The following LRRC17 variants were observed in gnomAD, a reference collection of about 807,000 sequenced individuals.
LRRC17 encodes the protein leucine rich repeat containing 17, also known as leucine-rich repeat-containing protein 17.
In LRRC17, 33 loss-of-function variants were observed where a neutral mutation model predicts 41.5. That is an observed-to-expected ratio of 0.80 (90% CI 0.60 to 1.06). The LOEUF (loss-of-function observed/expected upper bound fraction) is 1.06, where lower values mean the gene tolerates loss of function less well. LRRC17 is among the 50% of genes least tolerant of loss of function. The pLI, the probability that LRRC17 is intolerant of heterozygous loss-of-function variation, is 0.00. For missense variants in LRRC17, 491 were observed against 519.3 expected, an observed-to-expected ratio of 0.95 and a Z score of 0.53; for synonymous variants, 192 against 197.0, an observed-to-expected ratio of 0.97 and a Z score of 0.21.
At chr7:102,941,925 TCTA>T (rs1265194562) in intron 3 of LRRC17, among the ~76,000 whole-genome samples, 3 of 152,154 alleles carry the variant, frequency 2.0e-5, no homozygotes, top group Admixed American at 6.5e-5. Flanking sequence ...TTGCCTTGCT[TCTA>T]CTGATGTTTT....
intron 1 of LRRC17, among the ~76,000 whole-genome samples, chr7:102,930,912 T>C (rs1270030063): frequency 1.3e-5 from 2 of 152,202 alleles, no homozygotes; most frequent in Admixed American, 6.5e-5. Flanking sequence ...GAATATAATA[T>C]GCCAAAGTTC....
Position 102,944,227 on chromosome 7 carries a change from A to G in LRRC17, c.946A>G (p.Thr316Ala), listed in dbSNP as rs770377860. Residue 316 changes from threonine to alanine, a missense_variant, in exon 4 of 4, where the codon ACA becomes GCA. Physicochemically the swap from Thr to Ala is moderately conservative, Grantham distance 58 (BLOSUM62 0). Coordinates refer to ENST00000339431, the MANE Select transcript of LRRC17 (RefSeq NM_001031692.3). ...GTTTCCAGCCGCTTTTTTAGGGCTC[A>G]CACATTTAGAAGAATTAGATTTATC... Reference protein sequence around the residue: ...FIDPAAFLGLTHLEELDLSNN... With the variant: ...FIDPAAFLGLAHLEELDLSNN... 2 of 1,608,042 alleles carry G rather than the reference A, an allele frequency of 1.2e-6. No homozygotes were observed. Among genetic ancestry groups the G allele is most frequent in the Non-Finnish European group, 8.5e-7 (1 of 1,177,780 alleles).
At chr7:102,931,021 T>C (rs1440373610) in intron 1 of LRRC17, among the ~76,000 whole-genome samples, 1 of 152,164 alleles carries the variant, frequency 6.6e-6, no homozygotes, top group Non-Finnish European at 1.5e-5. Context: ...TGGTTAAGGA[T>C]ACTTATCATA....
chr7:102,930,805 T>A (rs752040266), intron 1 of LRRC17, among the ~76,000 whole-genome samples: 1 of 152,226 alleles, frequency 6.6e-6, no homozygotes, highest in Non-Finnish European at 1.5e-5. Context: ...TTATGACTTA[T>A]ACATAGATGT....
At chr7:102,932,912 G>A (rs1277660906) in intron 1 of LRRC17, 1 of 152,200 alleles carries the variant, frequency 6.6e-6, no homozygotes, top group Non-Finnish European at 1.5e-5. Flanking sequence ...TTATTTGAGA[G>A]TAATTCATCA....
chr7:102,941,896 A>G (rs1821529371), intron 3 of LRRC17, among the ~76,000 whole-genome samples: 1 of 152,220 alleles, frequency 6.6e-6, no homozygotes, highest in South Asian at 2.1e-4. Flanking sequence ...AAAGAGATAG[A>G]TAATAGTGTA....
chr7:102,937,895 T>C (rs559080402), intron 2 of LRRC17, among the ~76,000 whole-genome samples: 1 of 152,310 alleles, frequency 6.6e-6, no homozygotes, highest in Admixed American at 6.5e-5. Context: ...TGCATACAGA[T>C]TCCCCAACTC....
At chr7:102,919,558 A>T (rs1341512838) in intron 1 of LRRC17, among the ~76,000 whole-genome samples, 1 of 152,220 alleles carries the variant, frequency 6.6e-6, no homozygotes, top group Non-Finnish European at 1.5e-5. Context: ...AGAGAAAAGG[A>T]AAGTCTTGCA....
At position 102,933,871 on chromosome 7, in the gene LRRC17, T is replaced by C; in HGVS notation, c.-43T>C. Reference sequence around the variant, plus strand: ...GATTTCAAAGGAATACTTTCATTGTTCCGTCTGTAACACGAAGTAATTGGG... The same window carrying C: ...GATTTCAAAGGAATACTTTCATTGTCCCGTCTGTAACACGAAGTAATTGGG... On this transcript the variant is annotated 5_prime_UTR_variant, in exon 2 of 4. Transcript: ENST00000339431. 2.0e-6 allele frequency: 3 copies of C among 1,521,210 alleles called. No homozygotes were observed. Among genetic ancestry groups the C allele is most frequent in the South Asian group, 2.6e-5 (2 of 76,816 alleles). 94.2% of individuals were successfully genotyped at this position (1,521,210 alleles called of 1,614,324 possible). A position where few individuals can be genotyped will look rare whatever the true frequency, so the allele number is the denominator to read the frequency against.
intron 1 of LRRC17, among the ~76,000 whole-genome samples, chr7:102,919,780 A>G (rs1816635620): frequency 6.6e-6 from 1 of 152,214 alleles, no homozygotes; most frequent in Non-Finnish European, 1.5e-5. Flanking sequence ...TCAGAGATCA[A>G]TGGCTAAACT....
At chr7:102,920,110 T>A (rs1262734536) in intron 1 of LRRC17, among the ~76,000 whole-genome samples, 1 of 152,226 alleles carries the variant, frequency 6.6e-6, no homozygotes, top group African/African-American at 2.4e-5. Flanking sequence ...ATTAGATCAC[T>A]GTGTACCACA....
Position 102,934,262 on chromosome 7 carries a change from A to C in LRRC17, c.349A>C (p.Ile117Leu). 6.2e-7 allele frequency: 1 copy of C among 1,614,194 alleles called. No homozygotes were observed. Among genetic ancestry groups the C allele is most frequent in the South Asian group, 1.1e-5 (1 of 91,080 alleles). ...LKSLDLQQNEISKIESEAFFG... is the reference protein window; with the variant it reads ...LKSLDLQQNELSKIESEAFFG... Reference sequence around the variant, plus strand: ...AAGCCTGGATCTGCAGCAGAATGAGATCTCTAAAATTGAGAGTGAGGCGTT... The same window carrying C: ...AAGCCTGGATCTGCAGCAGAATGAGCTCTCTAAAATTGAGAGTGAGGCGTT... Residue 117 changes from isoleucine (I) to leucine (L), a missense_variant, in exon 2 of 4, where the codon ATC (isoleucine) becomes CTC (leucine). Physicochemically the swap from Ile to Leu is conservative, Grantham distance 5 (BLOSUM62 2). Transcript: ENST00000339431.
chr7:102,941,646 T>G (rs1439566036), intron 3 of LRRC17, among the ~76,000 whole-genome samples: 1 of 151,942 alleles, frequency 6.6e-6, no homozygotes, highest in African/African-American at 2.4e-5. Flanking sequence ...CAAAAGCCAT[T>G]CCAAAGGTCC....
At position 102,922,087 on chromosome 7, in the gene LRRC17, G is replaced by A. The variant is rs139004783; in HGVS notation, c.-141+8942G>A. ...CACCTGTAATCCTAGTTACTCAGGAGGCTGAGGCAGGAGACTTGCTTGAGC... is the reference window on the plus strand; with the variant it reads ...CACCTGTAATCCTAGTTACTCAGGAAGCTGAGGCAGGAGACTTGCTTGAGC... On this transcript the variant is annotated intron_variant, in intron 1 of 3. Coordinates refer to ENST00000339431, the MANE Select transcript of LRRC17 (RefSeq NM_001031692.3). Among the ~76,000 whole-genome samples the A allele has an allele frequency of 3.7e-3, 567 of 152,182 alleles. 5 individuals are homozygous for A. The highest frequency in any genetic ancestry group is 0.013 in the African/African-American group (560 of 41,522).
At chr7:102,928,699 C>T (rs74992440) in intron 1 of LRRC17, among the ~76,000 whole-genome samples, 10,640 of 152,234 alleles carry the variant, frequency 0.07, 432 homozygotes, top group South Asian at 0.14. Context: ...TTTTAATTCC[C>T]TCCAACACCT....
intron 1 of LRRC17, among the ~76,000 whole-genome samples, chr7:102,922,233 G>A (rs1817197825): frequency 6.6e-6 from 1 of 151,492 alleles, no homozygotes; most frequent in Non-Finnish European, 1.5e-5. Context: ...AAACATTACT[G>A]AGTGAAAGAG....
At chr7:102,931,823 C>T (rs1819230024) in intron 1 of LRRC17, 1 of 1,505,764 alleles carries the variant, frequency 6.6e-7, no homozygotes, top group Non-Finnish European at 9.2e-7. Context: ...CATATTGGCA[C>T]CCCAATGTAG....
chr7:102,918,116 TC>T (rs1177110616), intron 1 of LRRC17, among the ~76,000 whole-genome samples: 4 of 152,194 alleles, frequency 2.6e-5, no homozygotes, highest in African/African-American at 9.7e-5. Context: ...AACCAACATT[TC>T]TCTGCTTATT....
rs117261467 is a variant in LRRC17, at chr7:102,944,584, G to A, written c.1303G>A (p.Val435Ile). 1.4e-3 allele frequency: 2,237 copies of A among 1,608,390 alleles called. 5 individuals carry two copies. Among genetic ancestry groups the A allele is most frequent in the Non-Finnish European group, 1.2e-3 (1,403 of 1,178,520 alleles). Residue 435 changes from valine (V) to isoleucine (I), a missense_variant, in exon 4 of 4, where the codon GTA becomes ATA. Val to Ile is a conservative substitution (Grantham distance 29, BLOSUM62 3). Transcript: ENST00000339431. The stretch of plus-strand genomic sequence containing the variant: ...AGATCACACCGCAAAGAAGCAAAGC[G>A]TAATAATTACTATAGTAGGATAAGG... ...HRDHTAKKQS[V>I]IITIVG
Sources: allele counts gnomAD v4.1 joint callset (sites outside exome capture counted in the v4.1 genomes callset), GRCh38; gene constraint gnomAD v4.1.1; transcripts MANE v1.5; gene names NCBI Gene and HGNC (gene_info 2026-07-23, HGNC 2026-07-21).